Variants in ZNF577 observed in about 807,000 individuals in gnomAD.
ZNF577 encodes zinc finger protein 577.
A neutral mutation model predicts 13.9 loss-of-function variants in ZNF577; 14 were observed. The observed-to-expected ratio is 1.00, with a 90% CI of 0.66 to 1.57. ZNF577 has a LOEUF of 1.57. Among genes scored for constraint, ZNF577 ranks in the 40% most tolerant of loss-of-function variants. The pLI is 0.00. For missense variants in ZNF577, 555 were observed against 579.2 expected (o/e 0.96, Z 0.43); for synonymous variants, 203 against 202.9 (o/e 1.00, Z 0.00).
chr19:51,810,187 T>A (rs887339225), intron 10 of ZNF577, among the ~76,000 whole-genome samples: 8 of 152,234 alleles, frequency 5.3e-5, no homozygotes, highest in African/African-American at 1.7e-4. Flanking sequence ...AATTAGCCAC[T>A]GCTTGCGCTA....
chr19:51,857,333 G>GGAGA (rs10642180), intron 5 of ZNF577, among the ~76,000 whole-genome samples: 49,548 of 130,048 alleles, frequency 0.38, 10,613 homozygotes, highest in African/African-American at 0.55. Flanking sequence ...AAAGGAGAAA[G>GGAGA]GAGAGAAAGA....
chr19:51,824,101 T>C lies in ZNF577; in HGVS notation c.*600-12427A>G, dbSNP rs752241328. On this transcript the variant is annotated intron_variant and NMD_transcript_variant, in intron 9 of 10. Transcript: ENST00000638827. This position sits in a 1 kb window ranked among gnomAD's most constrained non-coding sequence, Gnocchi z 4.7. ...TTTGTCAGTGTCTACCTGATCACCA[T>C]CATTGCTCTGGACCGCTGTATTTGT... 6.2e-7 allele frequency: 1 copy of C among 1,614,122 alleles called. No homozygotes were observed. Among genetic ancestry groups the C allele is most frequent in the Non-Finnish European group, 8.5e-7 (1 of 1,179,986 alleles).
intron 5 of ZNF577, chr19:51,861,925 G>A (rs540896586): frequency 1.3e-4 from 20 of 152,242 alleles, no homozygotes; most frequent in African/African-American, 4.6e-4. Context: ...GTTATATAAT[G>A]AGAGTTGACT....
intron 9 of ZNF577, among the ~76,000 whole-genome samples, chr19:51,827,585 C>A (rs1418744378): frequency 6.6e-6 from 1 of 152,170 alleles, no homozygotes; most frequent in Non-Finnish European, 1.5e-5. Flanking sequence ...CTCCAGCCCT[C>A]ATAATATGAA....
chr19:51,810,194 G>A (rs940265463), intron 10 of ZNF577, among the ~76,000 whole-genome samples: 2 of 152,148 alleles, frequency 1.3e-5, no homozygotes, highest in South Asian at 2.1e-4. Context: ...CACTGCTTGC[G>A]CTAATATTGC....
chr19:51,841,545 T>C (rs2084320792), intron 8 of ZNF577, among the ~76,000 whole-genome samples: 1 of 152,222 alleles, frequency 6.6e-6, no homozygotes, highest in Non-Finnish European at 1.5e-5. Flanking sequence ...ATGGTCTTGC[T>C]AGTTCTACTG....
intron 5 of ZNF577, chr19:51,861,752 C>G (rs2084505135): frequency 6.6e-6 from 1 of 152,374 alleles, no homozygotes; most frequent in Non-Finnish European, 1.5e-5. Flanking sequence ...TCTCTGGTGA[C>G]CAATGAGAGT....
intron 9 of ZNF577, among the ~76,000 whole-genome samples, chr19:51,839,099 G>C (rs2084304962): frequency 6.6e-6 from 1 of 152,132 alleles, no homozygotes; most frequent in African/African-American, 2.4e-5. Flanking sequence ...AATTTGCAAA[G>C]GAGATACCAT....
chr19:51,814,101 C>T (rs574223303), intron 9 of ZNF577, among the ~76,000 whole-genome samples: 15 of 152,126 alleles, frequency 9.9e-5, no homozygotes, highest in Non-Finnish European at 2.1e-4. Flanking sequence ...GGTTTATGTG[C>T]TTCATATGTT....
rs114316139 is a variant in ZNF577 at position 51,871,828 on chromosome 19, C to T, written c.*704G>A. 2.7e-4 allele frequency: 41 copies of T among 152,212 alleles called. No individual in the cohort carries two copies. The highest frequency in any genetic ancestry group is 9.2e-4 in the African/African-American group (38 of 41,524). 9.4% of individuals were successfully genotyped at this position (152,212 alleles called of 1,614,324 possible). A position where few individuals can be genotyped will look rare whatever the true frequency, so the allele number is the denominator to read the frequency against. On this transcript the variant is annotated 3_prime_UTR_variant, in exon 6 of 6. Transcript: ENST00000638348. ...TAGAAGCTGGAAGGGCAAAGAAAGACGCTCCCCTAGAGCCTCCAAAAAGAA... is the reference window on the plus strand; with the variant it reads ...TAGAAGCTGGAAGGGCAAAGAAAGATGCTCCCCTAGAGCCTCCAAAAAGAA...
At position 51,824,819 on chromosome 19, in the gene ZNF577, A is replaced by T; in HGVS notation, c.*600-13145T>A. On this transcript the variant is annotated intron_variant and NMD_transcript_variant, in intron 9 of 10. Coordinates refer to the ZNF577 transcript ENST00000638827. The surrounding 1 kb of genome is among the most constrained non-coding windows in gnomAD (Gnocchi z 4.7). ...AGTTACAAGCAATGTGAGGTCGGGG[A>T]TATTTTTGGGCTCTGTCTCTTTCTA... 1 of 1,595,442 alleles carries T rather than the reference A, an allele frequency of 6.3e-7. No homozygotes were observed. The highest frequency in any genetic ancestry group is 8.5e-7 in the Non-Finnish European group (1 of 1,169,628).
intron 1 of ZNF577, among the ~76,000 whole-genome samples, chr19:51,883,167 AT>A (rs1230998375): frequency 6.6e-6 from 1 of 151,656 alleles, no homozygotes; most frequent in Non-Finnish European, 1.5e-5. Flanking sequence ...TAATTTTTGT[AT>A]TTGTAGTAAA....
intron 5 of ZNF577, among the ~76,000 whole-genome samples, chr19:51,846,045 GCT>G (rs1306626739): frequency 6.7e-6 from 1 of 150,168 alleles, no homozygotes; most frequent in Non-Finnish European, 1.5e-5. Flanking sequence ...ACAGAGTCTT[GCT>G]CTGTTGTCCA....
intron 9 of ZNF577, among the ~76,000 whole-genome samples, chr19:51,829,666 T>C (rs1041698852): frequency 6.6e-6 from 1 of 152,180 alleles, no homozygotes; most frequent in African/African-American, 2.4e-5. Context: ...AATTCCCTCA[T>C]AGTGAAGTCA....
At chr19:51,877,519 C>T (rs1330633282) in intron 4 of ZNF577, 142 bp from the exon 5 acceptor site, 4 of 638,874 alleles carry the variant, frequency 6.3e-6, no homozygotes, top group Non-Finnish European at 1.1e-5. Context: ...ACAACCACTT[C>T]GTGCCAGGGA....
chr19:51,818,816 G>A (rs1419226263), intron 9 of ZNF577, among the ~76,000 whole-genome samples: 1 of 152,176 alleles, frequency 6.6e-6, no homozygotes, highest in Non-Finnish European at 1.5e-5. Context: ...CAGGGTGCTT[G>A]AGAAGTGTGA....
rs1306234622 is a variant in ZNF577, at chr19:51,869,605, C to T, written c.*2927G>A. ...CCCTGGGGCCACTGTTCTTTCTCTA[C>T]TTTGTCTCTGTGTCTTATTTCTTAT... On this transcript the variant is annotated 3_prime_UTR_variant, in exon 6 of 6. Transcript: ENST00000638348. 6.6e-6 allele frequency among the ~76,000 whole-genome samples: 1 copy of T among 150,872 alleles called. No individual in the cohort carries two copies. The highest frequency in any genetic ancestry group is 1.5e-5 in the Non-Finnish European group (1 of 67,292).
Position 51,872,516 on chromosome 19 carries a change from T to C in ZNF577, c.*16A>G. On this transcript the variant is annotated 3_prime_UTR_variant, in exon 6 of 6. Transcript: ENST00000638348. Reference sequence around the variant, plus strand: ...TTCCTACTAAAGATTTTCCCACCTTTCTGGTATCAGAAGATTTATTCTGAT... The same window carrying C: ...TTCCTACTAAAGATTTTCCCACCTTCCTGGTATCAGAAGATTTATTCTGAT... 1 of 1,525,160 alleles carries C rather than the reference T, an allele frequency of 6.6e-7. No individual in the cohort carries two copies. The highest frequency in any genetic ancestry group is 8.8e-7 in the Non-Finnish European group (1 of 1,136,094). The allele number at this position is 1,525,160 out of a possible 1,614,324, so 94.5% of individuals were successfully genotyped here. A position where few individuals can be genotyped will look rare whatever the true frequency, so the allele number is the denominator to read the frequency against.
intron 9 of ZNF577, among the ~76,000 whole-genome samples, chr19:51,813,474 G>A (rs1185660130): frequency 6.6e-6 from 1 of 152,022 alleles, no homozygotes; most frequent in Non-Finnish European, 1.5e-5. Flanking sequence ...TTTCAGTGGT[G>A]AAAGATAAGG....
Sources: allele counts gnomAD v4.1 joint callset (sites outside exome capture counted in the v4.1 genomes callset), GRCh38; gene constraint gnomAD v4.1.1; non-coding constraint Gnocchi (gnomAD v3.1); transcripts MANE v1.5; gene names NCBI Gene and HGNC (gene_info 2026-07-23, HGNC 2026-07-21).